SLCO2A1: variants seen among roughly 807,000 people sequenced by gnomAD.
SLCO2A1 encodes matrin F/G 1.
Under a neutral mutation model 71.7 loss-of-function variants are expected in SLCO2A1, and 60 were observed. That is an observed-to-expected ratio of 0.84 (90% CI 0.68 to 1.04). The LOEUF is 1.04. Ranked by LOEUF, SLCO2A1 falls within the 50% of genes least tolerant of loss-of-function variation. The pLI is 0.00. For synonymous variants in SLCO2A1, 308 were observed against 326.7 expected (o/e 0.94, Z 0.62); for missense variants, 745 against 813.4 (o/e 0.92, Z 1.02).
intron 3 of SLCO2A1, among the ~76,000 whole-genome samples, chr3:133,963,671 C>A (rs1934097452): frequency 6.6e-6 from 1 of 152,108 alleles, no homozygotes; most frequent in Non-Finnish European, 1.5e-5. Context: ...GTTAGCAAGC[C>A]CCAAACTTCA....
intron 1 of SLCO2A1, among the ~76,000 whole-genome samples, chr3:134,017,325 GT>G (rs1299049045): frequency 2.0e-5 from 3 of 152,036 alleles, no homozygotes; most frequent in African/African-American, 4.8e-5. Flanking sequence ...AAAATAAAAA[GT>G]TTTTTTTCAA....
At chr3:133,994,337 C>A (rs1020564790) in intron 1 of SLCO2A1, among the ~76,000 whole-genome samples, 1 of 152,194 alleles carries the variant, frequency 6.6e-6, no homozygotes, top group Non-Finnish European at 1.5e-5. Context: ...AAATCCATCA[C>A]CTTGCTCCAC....
chr3:134,023,319 T>A (rs1456802290), intron 1 of SLCO2A1, among the ~76,000 whole-genome samples: 1 of 152,272 alleles, frequency 6.6e-6, no homozygotes, highest in African/African-American at 2.4e-5. Context: ...GCTGACCATC[T>A]AGTTATTAAC....
At chr3:133,948,857 C>A in intron 7 of SLCO2A1, 36 bp downstream of exon 7, 1 of 1,608,226 alleles carries the variant, frequency 6.2e-7, no homozygotes, top group Non-Finnish European at 8.5e-7. Flanking sequence ...CTCCCCCGCA[C>A]TGTGCCAGCC....
intron 2 of SLCO2A1, among the ~76,000 whole-genome samples, chr3:133,976,257 G>C (rs1934444646): frequency 6.6e-6 from 1 of 152,248 alleles, no homozygotes; most frequent in South Asian, 2.1e-4. Flanking sequence ...CCTGGAAAGA[G>C]AGCTTTATTC....
chr3:133,965,589 T>C (rs901509831), intron 3 of SLCO2A1, among the ~76,000 whole-genome samples: 1 of 141,400 alleles, frequency 7.1e-6, no homozygotes, highest in Non-Finnish European at 1.6e-5. Flanking sequence ...GGAGAAAATA[T>C]GAAGCTTGAC....
At chr3:134,022,702 T>G (rs1169572474) in intron 1 of SLCO2A1, among the ~76,000 whole-genome samples, 2 of 152,218 alleles carry the variant, frequency 1.3e-5, no homozygotes, top group African/African-American at 2.4e-5. Flanking sequence ...AGGTTTAACA[T>G]TAATAACACA....
chr3:134,009,998 T>G (rs1480650202), intron 1 of SLCO2A1, among the ~76,000 whole-genome samples: 1 of 152,152 alleles, frequency 6.6e-6, no homozygotes, highest in Non-Finnish European at 1.5e-5. Context: ...GAGGGTTTGG[T>G]CAGTGTTTCT....
intron 11 of SLCO2A1, among the ~76,000 whole-genome samples, chr3:133,941,408 G>A (rs896944829): frequency 6.6e-6 from 1 of 151,984 alleles, no homozygotes; most frequent in Non-Finnish European, 1.5e-5. Context: ...CATGAATAAG[G>A]AGACTGAGGC....
chr3:134,004,966 GC>G (rs1935177458), intron 1 of SLCO2A1, among the ~76,000 whole-genome samples: 1 of 152,222 alleles, frequency 6.6e-6, no homozygotes, highest in Admixed American at 6.5e-5. Context: ...CAAATTGGGG[GC>G]TTTCCAGTGA....
At position 133,954,956 on chromosome 3, in the gene SLCO2A1, G is replaced by C; in HGVS notation, c.625+10C>G. 6.2e-7 allele frequency: 1 copy of C among 1,609,806 alleles called. No individual in the cohort carries two copies. Among genetic ancestry groups the C allele is most frequent in the Non-Finnish European group, 8.5e-7 (1 of 1,176,660 alleles). On this transcript the variant is annotated intron_variant, in intron 4 of 13. Transcript: ENST00000310926. ...CCCTCCCCAAAGCCCTCTTCAAGCCGGTGACTCACAGATGTACAGGGGCGA... is the reference window on the plus strand; with the variant it reads ...CCCTCCCCAAAGCCCTCTTCAAGCCCGTGACTCACAGATGTACAGGGGCGA...
At chr3:134,000,299 C>T (rs757295103) in intron 1 of SLCO2A1, among the ~76,000 whole-genome samples, 3 of 152,066 alleles carry the variant, frequency 2.0e-5, no homozygotes, top group Non-Finnish European at 4.4e-5. Flanking sequence ...AGGCCAGGGA[C>T]ACGGGTCTGA....
At chr3:133,938,964 G>A (rs1933346415) in intron 11 of SLCO2A1, among the ~76,000 whole-genome samples, 1 of 152,092 alleles carries the variant, frequency 6.6e-6, no homozygotes, top group East Asian at 1.9e-4. Flanking sequence ...TCTTATAACA[G>A]TAAAAGACAG....
Position 133,942,662 on chromosome 3 carries a change from G to A in SLCO2A1, c.1568C>T (p.Ser523Phe), listed in dbSNP as rs1181729887. The part of the protein sequence containing the change: ...HFLLPAIFLI[S>F]FVSLIACISH... ...GATGCAGGCTATCAGGGACACGAAGGAGATGAGGAAGATGGCCGGGAGCAG... is the reference window on the plus strand; with the variant it reads ...GATGCAGGCTATCAGGGACACGAAGAAGATGAGGAAGATGGCCGGGAGCAG... The change falls in exon 11 of 14, where the codon TCC becomes TTC. Residue 523 changes from serine (S) to phenylalanine (F), a missense_variant. By Grantham distance (155) the Ser-to-Phe change is radical. Transcript: ENST00000310926. The A allele has an allele frequency of 1.2e-6, 2 of 1,613,844 alleles. No individual in the cohort carries two copies. Among genetic ancestry groups the A allele is most frequent in the Admixed American group, 3.3e-5 (2 of 59,968 alleles).
At chr3:134,014,508 C>G (rs988188182) in intron 1 of SLCO2A1, among the ~76,000 whole-genome samples, 1 of 152,192 alleles carries the variant, frequency 6.6e-6, no homozygotes, top group Admixed American at 6.5e-5. Flanking sequence ...AATTAAGGTC[C>G]TCTCAACTGA....
At position 133,935,838 on chromosome 3, in the gene SLCO2A1, T is replaced by C. The variant is rs1559926554; in HGVS notation, c.1750A>G (p.Asn584Asp). 1.2e-6 allele frequency: 2 copies of C among 1,611,858 alleles called. No homozygotes were observed. Among genetic ancestry groups the C allele is most frequent in the Non-Finnish European group, 8.5e-7 (1 of 1,178,660 alleles). Residue 584 changes from asparagine to aspartate, a missense_variant, in exon 13 of 14, where the codon AAC becomes GAC. Transcript: ENST00000310926. ...LTIDHSCIRW[N>D]SLCLGRRGAC... ...CCTCGCCTCCCCAAGCACAGCGAGT[T>C]CCACCGGATGCAGGAGTGGTCAATG... is the stretch of plus-strand genomic sequence containing the variant.
At position 133,953,828 on chromosome 3, in the gene SLCO2A1, A is replaced by G; in HGVS notation, c.626-67T>C. 7 of 1,227,558 alleles carry G rather than the reference A, an allele frequency of 5.7e-6. 1 individual carries two copies. In the South Asian group the frequency reaches 8.5e-5, roughly 15 times the overall value. The allele number at this position is 1,227,558 out of a possible 1,614,324, so 76.0% of individuals were successfully genotyped here. A position where few individuals can be genotyped will look rare whatever the true frequency, so the allele number is the denominator to read the frequency against. On this transcript the variant is annotated intron_variant, in intron 4 of 13. Coordinates refer to ENST00000310926, the MANE Select transcript of SLCO2A1 (RefSeq NM_005630.3). Reference sequence around the variant, plus strand: ...GAGAGTTTGGCAGCCTTGGGCTCCCAAGCTGAGGGGGAGTCTTGAGATATC... The same window carrying G: ...GAGAGTTTGGCAGCCTTGGGCTCCCGAGCTGAGGGGGAGTCTTGAGATATC...
chr3:134,010,486 G>T (rs912958072), intron 1 of SLCO2A1, among the ~76,000 whole-genome samples: 3 of 152,170 alleles, frequency 2.0e-5, no homozygotes, highest in Admixed American at 1.3e-4. Flanking sequence ...GGGCGCGGTG[G>T]CTCACGCCTG....
intron 10 of SLCO2A1, among the ~76,000 whole-genome samples, chr3:133,943,856 T>C (rs1006078992): frequency 1.3e-5 from 2 of 152,252 alleles, no homozygotes; most frequent in African/African-American, 4.8e-5. Context: ...AGCCTTGCCC[T>C]GTCCTTTCAG....
Sources: gnomAD v4.1 joint callset for allele counts (sites outside exome capture counted in the v4.1 genomes callset) on GRCh38, gnomAD v4.1.1 for gene constraint, MANE v1.5 for transcripts, NCBI Gene and HGNC (gene_info 2026-07-23, HGNC 2026-07-21) for gene names.